The following ADSL variants were observed in gnomAD, a reference collection of about 807,000 sequenced individuals.
The protein encoded by ADSL is adenylosuccinase.
Under a neutral mutation model 62.1 loss-of-function variants are expected in ADSL, and 44 were observed. That is an observed-to-expected ratio of 0.71 (90% CI 0.56 to 0.91). ADSL has a LOEUF of 0.91. Ranked by LOEUF, ADSL falls within the 40% of genes least tolerant of loss-of-function variation. ADSL has a pLI of 0.00. For synonymous variants in ADSL, 198 were observed against 220.5 expected (o/e 0.90, Z 0.90); for missense variants, 531 against 627.4 (o/e 0.85, Z 1.64).
chr22:40,354,373 C>A, intron 4 of ADSL, 46 bp downstream of exon 4: 1 of 1,444,842 alleles, frequency 6.9e-7, no homozygotes. Context: ...TGGCTTTCAG[C>A]TGCTTCTTGA....
chr22:40,353,984 G>A (rs1333917429), intron 3 of ADSL: 1 of 536,938 alleles, frequency 1.9e-6, no homozygotes, highest in Non-Finnish European at 3.3e-6. Flanking sequence ...GGGATATGTG[G>A]GTCAGGATTA....
At position 40,366,520 on chromosome 22, in the gene ADSL, T is replaced by C; in HGVS notation, c.1453T>C (p.Ter485GlnextTer16). 2 of 1,606,962 alleles carry C rather than the reference T, an allele frequency of 1.2e-6. No homozygotes were observed. The highest frequency in any genetic ancestry group is 1.7e-6 in the Non-Finnish European group (2 of 1,173,536). ...GAAGGTGAAAGCAGAATTATGTCTG[T>C]AGAGTTGGAAGAGAATTAAACGAAA... ...VMKVKAELCL[*>Q] The change falls in exon 13 of 13, where the codon TAG (stop) becomes CAG (glutamine). Residue 485 changes from the stop codon to glutamine, a stop_lost. Transcript: ENST00000623063.
chr22:40,386,990 T>C (rs1015054757), intron 2 of ADSL, among the ~76,000 whole-genome samples: 7 of 152,186 alleles, frequency 4.6e-5, no homozygotes, highest in African/African-American at 1.4e-4. Flanking sequence ...CCACTAGATA[T>C]GTCATCCCAA....
At chr22:40,374,437 A>G (rs531158314) in intron 2 of ADSL, among the ~76,000 whole-genome samples, 1 of 152,364 alleles carries the variant, frequency 6.6e-6, no homozygotes, top group South Asian at 2.1e-4. Flanking sequence ...AAGATACAGT[A>G]TAGGCTTTAG....
intron 2 of ADSL, among the ~76,000 whole-genome samples, chr22:40,375,568 G>GA (rs2146745562): frequency 6.8e-6 from 1 of 147,310 alleles, no homozygotes; most frequent in Admixed American, 6.8e-5. Flanking sequence ...TGACAAGAGT[G>GA]AAACTCTGTC....
intron 2 of ADSL, among the ~76,000 whole-genome samples, chr22:40,379,978 T>C (rs1431365218): frequency 6.6e-6 from 1 of 152,192 alleles, no homozygotes; most frequent in Non-Finnish European, 1.5e-5. Flanking sequence ...CCTAAAGTGC[T>C]GGGATTATAG....
chr22:40,375,320 C>G (rs1380476753), intron 2 of ADSL, among the ~76,000 whole-genome samples: 1 of 152,224 alleles, frequency 6.6e-6, no homozygotes, highest in Non-Finnish European at 1.5e-5. Context: ...TGGCTCACGC[C>G]TGTAATCCCA....
At chr22:40,359,560 C>T (rs944087569) in intron 6 of ADSL, among the ~76,000 whole-genome samples, 7 of 140,094 alleles carry the variant, frequency 5.0e-5, no homozygotes, top group Non-Finnish European at 9.1e-5. Context: ...GTTTTTGAGA[C>T]AGGGTCTTAC....
intron 7 of ADSL, 97 bp downstream of exon 7, chr22:40,360,589 C>A (rs2044745602): frequency 2.4e-6 from 2 of 824,754 alleles, no homozygotes; most frequent in Admixed American, 2.2e-5. Context: ...CTCTCTCAAG[C>A]AATATTTTAC....
chr22:40,375,076 T>C (rs1895022199), intron 2 of ADSL, among the ~76,000 whole-genome samples: 1 of 152,230 alleles, frequency 6.6e-6, no homozygotes, highest in South Asian at 2.1e-4. Context: ...GAGAGATACA[T>C]TCACCTCTTT....
In ADSL at chr22:40,358,915, T is replaced by A; in HGVS notation, c.534T>A (p.Asp178Glu). 6.2e-7 allele frequency: 1 copy of A among 1,614,182 alleles called. No homozygotes were observed. Among genetic ancestry groups the A allele is most frequent in the Non-Finnish European group, 8.5e-7 (1 of 1,180,038 alleles). The change falls in exon 5 of 13, where the codon GAT (aspartate) becomes GAA (glutamate). Residue 178 changes from aspartate to glutamate, a missense_variant. Asp to Glu is a conservative substitution (Grantham distance 45). Transcript: ENST00000623063. Reference sequence around the variant, plus strand: ...AACGTTGCTGTCTTTGGATTCAGGATCTTTGCATGGATCTCCAGAACTTGA... The same window carrying A: ...AACGTTGCTGTCTTTGGATTCAGGAACTTTGCATGGATCTCCAGAACTTGA... Reference protein sequence around the residue: ...VGKRCCLWIQDLCMDLQNLKR... With the variant: ...VGKRCCLWIQELCMDLQNLKR...
intron 3 of ADSL, 147 bp from the exon 4 acceptor site, chr22:40,354,101 A>G (rs1693961193): frequency 2.5e-6 from 2 of 796,268 alleles, no homozygotes; most frequent in Non-Finnish European, 4.4e-6. Context: ...CAGGCACTTT[A>G]GGGTACAAAG....
At chr22:40,354,880 AAAAG>A (rs1028798512) in intron 4 of ADSL, among the ~76,000 whole-genome samples, 10 of 152,118 alleles carry the variant, frequency 6.6e-5, no homozygotes, top group African/African-American at 2.4e-4. Flanking sequence ...AAAAAAAAAA[AAAAG>A]AAAAAAATCT....
chr22:40,366,428 T>C lies in ADSL; in HGVS notation c.1369-8T>C. 6.3e-7 allele frequency: 1 copy of C among 1,598,352 alleles called. No homozygotes were observed. Among genetic ancestry groups the C allele is most frequent in the Non-Finnish European group, 8.6e-7 (1 of 1,165,674 alleles). The stretch of plus-strand genomic sequence containing the variant: ...TTCTTTTGTCTTGTATTTGCTTTCC[T>C]CTGGCAGGTGCAGAGATTCTTAGAA... On this transcript the variant is annotated splice_polypyrimidine_tract_variant and splice_region_variant and intron_variant, in intron 12 of 12. Coordinates refer to ENST00000623063, the MANE Select transcript of ADSL (RefSeq NM_000026.4).
chr22:40,346,569 G>T lies in ADSL; in HGVS notation c.11G>T (p.Gly4Val), dbSNP rs766546584. MAA[G>V]GDHGSPDSYR... ...GGTCGCAGGGTTGGGATGGCGGCTG[G>T]AGGCGATCATGGTTCGCCCGACAGC... The change falls in exon 1 of 13, where the codon GGA becomes GTA. Residue 4 changes from glycine (G) to valine (V), a missense_variant. This residue lies in a region of ADSL where 60 missense variants were observed against 34.5 expected (regional missense o/e 1.74). Coordinates refer to ENST00000623063, the MANE Select transcript of ADSL (RefSeq NM_000026.4). 3.7e-5 allele frequency: 60 copies of T among 1,605,054 alleles called. No homozygotes were observed. Among genetic ancestry groups the T allele is most frequent in the Non-Finnish European group, 5.0e-5 (59 of 1,177,130 alleles).
chr22:40,359,503 A>G (rs1601583749), intron 6 of ADSL, among the ~76,000 whole-genome samples, 197 bp downstream of exon 6: 1 of 134,076 alleles, frequency 7.5e-6, no homozygotes, highest in East Asian at 2.1e-4. Context: ...TTTTTCGCCT[A>G]ATCGTCTTGC....
intron 9 of ADSL, among the ~76,000 whole-genome samples, chr22:40,362,628 T>A (rs1423431898): frequency 6.6e-6 from 1 of 152,082 alleles, no homozygotes; most frequent in African/African-American, 2.4e-5. Context: ...ATAAAGAGCT[T>A]GGTGAGTGGG....
intron 1 of ADSL, chr22:40,348,265 G>A (rs894007402): frequency 7.6e-6 from 3 of 396,552 alleles, no homozygotes; most frequent in Non-Finnish European, 1.3e-5. Context: ...TGCTTTGGAA[G>A]GAGCCCAGAG....
chr22:40,354,194 G>A, intron 3 of ADSL, 54 bp from the exon 4 acceptor site: 2 of 1,432,616 alleles, frequency 1.4e-6, no homozygotes, highest in Middle Eastern at 1.7e-4. Flanking sequence ...TCCTAATTAT[G>A]TAATGAACAC....
Sources: gnomAD v4.1 joint callset for allele counts (sites outside exome capture counted in the v4.1 genomes callset) on GRCh38, gnomAD v4.1.1 for gene constraint, gnomAD v4.1.1 regional missense constraint, MANE v1.5 for transcripts, NCBI Gene and HGNC (gene_info 2026-07-23, HGNC 2026-07-21) for gene names.